FAR2: variants seen among roughly 807,000 people sequenced by gnomAD.
FAR2 encodes the protein fatty acyl-CoA reductase 2.
In FAR2, 19 loss-of-function variants were observed where a neutral mutation model predicts 56.0. The observed-to-expected ratio is 0.34, with a 90% CI of 0.24 to 0.50. The LOEUF is 0.50. FAR2 is among the 20% of genes least tolerant of loss of function. The pLI is 0.98. For synonymous variants in FAR2, 219 were observed against 218.8 expected (o/e 1.00, Z -0.01); for missense variants, 508 against 642.2 (o/e 0.79, Z 2.26).
intron 4 of FAR2, chr12:29,301,593 A>G (rs933157626): frequency 1.3e-5 from 2 of 152,220 alleles, no homozygotes; most frequent in Non-Finnish European, 2.9e-5. Flanking sequence ...GTGCCTGTAT[A>G]AAAACCTGAA....
At chr12:29,238,479 C>A (rs1403229587) in intron 1 of FAR2, among the ~76,000 whole-genome samples, 1 of 151,536 alleles carries the variant, frequency 6.6e-6, no homozygotes, top group African/African-American at 2.4e-5. Context: ...TTAAAAATAT[C>A]TCTGTTTTAT....
At chr12:29,196,861 A>G (rs1034023477) in intron 1 of FAR2, among the ~76,000 whole-genome samples, 8 of 152,200 alleles carry the variant, frequency 5.3e-5, no homozygotes, top group Admixed American at 5.2e-4. Flanking sequence ...CTATGCATGT[A>G]ACAGGGGACT....
intron 10 of FAR2, among the ~76,000 whole-genome samples, chr12:29,322,839 T>C (rs1331451537): frequency 6.6e-6 from 1 of 152,208 alleles, no homozygotes; most frequent in African/African-American, 2.4e-5. Flanking sequence ...CTGTCACCCC[T>C]TTCTTTGACT....
chr12:29,149,981 C>T (rs1949669141), intron 1 of FAR2, among the ~76,000 whole-genome samples: 2 of 152,210 alleles, frequency 1.3e-5, no homozygotes, highest in South Asian at 4.1e-4. Context: ...TACCCTCCCA[C>T]CTGGGCCTCG....
At chr12:29,156,251 CA>C (rs1373789325) in intron 1 of FAR2, among the ~76,000 whole-genome samples, 1 of 151,208 alleles carries the variant, frequency 6.6e-6, no homozygotes, top group African/African-American at 2.4e-5. Flanking sequence ...AATGTCTCAC[CA>C]AAAAAAAGAT....
intron 1 of FAR2, among the ~76,000 whole-genome samples, chr12:29,240,928 C>G (rs914444596): frequency 6.6e-6 from 1 of 152,080 alleles, no homozygotes; most frequent in South Asian, 2.1e-4. Context: ...GCCTCAGCCT[C>G]CTGAGTAGCT....
intron 2 of FAR2, among the ~76,000 whole-genome samples, chr12:29,283,003 T>C (rs1245333842): frequency 6.6e-6 from 1 of 152,176 alleles, no homozygotes; most frequent in East Asian, 1.9e-4. Flanking sequence ...CTCACAAAGA[T>C]AATTAAGGTG....
chr12:29,263,271 A>C (rs982221701), intron 1 of FAR2, among the ~76,000 whole-genome samples: 2 of 152,166 alleles, frequency 1.3e-5, no homozygotes, highest in African/African-American at 4.8e-5. Context: ...AGAAACATTG[A>C]ACTTAATCTG....
chr12:29,333,498 C>A, intron 11 of FAR2, 134 bp from the exon 12 acceptor site: 1 of 778,672 alleles, frequency 1.3e-6, no homozygotes, highest in Non-Finnish European at 2.0e-6. Flanking sequence ...AACCAATTGG[C>A]CAAGTTATAT....
At chr12:29,204,814 G>A (rs752754557) in intron 1 of FAR2, among the ~76,000 whole-genome samples, 8 of 152,042 alleles carry the variant, frequency 5.3e-5, no homozygotes, top group Non-Finnish European at 1.0e-4. Flanking sequence ...TTAAACAACC[G>A]GATCTCAGAA....
chr12:29,164,658 C>T lies in FAR2; in HGVS notation c.-39+15251C>T, dbSNP rs118174148. Among the ~76,000 whole-genome samples, 1,040 of 152,172 alleles carry T rather than the reference C, an allele frequency of 6.8e-3. 7 individuals are homozygous for T. The highest frequency in any genetic ancestry group is 0.011 in the Non-Finnish European group (746 of 67,992). The stretch of plus-strand genomic sequence containing the variant: ...AGAACGGAGGGGAGAGTGAAGGGAG[C>T]TCCAGCTCTGAGCCATGAACTGAGG... On this transcript the variant is annotated intron_variant, in intron 1 of 11. Transcript: ENST00000536681.
chr12:29,203,782 G>C (rs1947443639), intron 1 of FAR2, among the ~76,000 whole-genome samples: 1 of 151,870 alleles, frequency 6.6e-6, no homozygotes, highest in Non-Finnish European at 1.5e-5. Context: ...GGTGGATCAC[G>C]AGGTCAGGAG....
In FAR2 at chr12:29,314,992, A is replaced by G. The variant is rs116560661; in HGVS notation, c.956-1849A>G. Among the ~76,000 whole-genome samples the G allele has an allele frequency of 9.1e-3, 1,383 of 152,304 alleles. 23 individuals are homozygous for G. The highest frequency in any genetic ancestry group is 0.032 in the African/African-American group (1,325 of 41,554). On this transcript the variant is annotated intron_variant, in intron 8 of 11. Transcript: ENST00000536681. Reference sequence around the variant, plus strand: ...ACCTGCCAGCCACTTTCAAGGTACTATATAGGTTGAAACAAAACAGACAAA... The same window carrying G: ...ACCTGCCAGCCACTTTCAAGGTACTGTATAGGTTGAAACAAAACAGACAAA...
chr12:29,308,512 C>G (rs1812968359), intron 5 of FAR2, among the ~76,000 whole-genome samples: 1 of 151,968 alleles, frequency 6.6e-6, no homozygotes, highest in African/African-American at 2.4e-5. Flanking sequence ...TCTTCTCTCT[C>G]CTCTCCTGTT....
At chr12:29,159,665 G>A (rs1381897416) in intron 1 of FAR2, among the ~76,000 whole-genome samples, 1 of 152,170 alleles carries the variant, frequency 6.6e-6, no homozygotes, top group Admixed American at 6.5e-5. Flanking sequence ...TAGCTTGTGT[G>A]TCTCTCCTCT....
chr12:29,322,998 T>A (rs1949578289), intron 10 of FAR2, among the ~76,000 whole-genome samples: 4 of 152,232 alleles, frequency 2.6e-5, no homozygotes, highest in Admixed American at 2.6e-4. Flanking sequence ...CAGTTGGAAA[T>A]GCAGAAATCA....
At chr12:29,287,282 T>C (rs946672186) in intron 2 of FAR2, among the ~76,000 whole-genome samples, 5 of 152,232 alleles carry the variant, frequency 3.3e-5, no homozygotes, top group Non-Finnish European at 7.3e-5. Context: ...TACACCATGC[T>C]GCCTTATGGA....
chr12:29,172,437 C>T (rs187098279), intron 1 of FAR2, among the ~76,000 whole-genome samples: 1 of 152,320 alleles, frequency 6.6e-6, no homozygotes, highest in African/African-American at 2.4e-5. Context: ...AAGCCCTACC[C>T]GGTGATTGGC....
intron 1 of FAR2, among the ~76,000 whole-genome samples, chr12:29,190,557 C>T (rs1024783874): frequency 1.1e-4 from 17 of 152,038 alleles, no homozygotes; most frequent in African/African-American, 3.1e-4. Context: ...CTCCGACTCC[C>T]GGGTTAGAGG....
Sources: gnomAD v4.1 joint callset for allele counts (sites outside exome capture counted in the v4.1 genomes callset) on GRCh38, gnomAD v4.1.1 for gene constraint, MANE v1.5 for transcripts, NCBI Gene and HGNC (gene_info 2026-07-23, HGNC 2026-07-21) for gene names.